CTNNA3: variants seen among roughly 807,000 people sequenced by gnomAD.
CTNNA3 encodes catenin alpha 3, also known as catenin alpha-3.
CTNNA3 carries 76 observed loss-of-function variants against 95.7 expected under a neutral mutation model. That is an observed-to-expected ratio of 0.79 (90% CI 0.66 to 0.96). The LOEUF (loss-of-function observed/expected upper bound fraction) is 0.96, where lower values mean the gene tolerates loss of function less well. CTNNA3 is among the 40% of genes least tolerant of loss of function. The pLI is 0.00. For synonymous variants in CTNNA3, 431 were observed against 374.4 expected, an observed-to-expected ratio of 1.15 and a Z score of -1.74; for missense variants, 1,191 against 1,089.8, an observed-to-expected ratio of 1.09 and a Z score of -1.31.
At chr10:67,092,627 T>C (rs1857722617) in intron 7 of CTNNA3, among the ~76,000 whole-genome samples, 1 of 151,990 alleles carries the variant, frequency 6.6e-6, no homozygotes, top group Admixed American at 6.6e-5. Context: ...TAATCACAAC[T>C]TAGAAACTTT....
At chr10:66,471,001 T>G (rs867145757) in intron 11 of CTNNA3, among the ~76,000 whole-genome samples, 1 of 151,800 alleles carries the variant, frequency 6.6e-6, no homozygotes, top group Non-Finnish European at 1.5e-5. Flanking sequence ...ATCTGAAAAT[T>G]TAAGGATCCA....
At chr10:67,726,258 G>A (rs1214068440) in intron 1 of CTNNA3, among the ~76,000 whole-genome samples, 1 of 68,036 alleles carries the variant, frequency 1.5e-5, no homozygotes, top group Non-Finnish European at 2.3e-5. Context: ...ATATAATATT[G>A]TATTACATAT....
intron 7 of CTNNA3, among the ~76,000 whole-genome samples, chr10:67,116,981 T>A (rs1052364275): frequency 1.3e-5 from 2 of 151,650 alleles, no homozygotes; most frequent in Non-Finnish European, 2.9e-5. Flanking sequence ...AAAAATAAAT[T>A]AGATATAGCT....
chr10:67,345,647 C>G (rs1173671057), intron 5 of CTNNA3, among the ~76,000 whole-genome samples: 1 of 152,026 alleles, frequency 6.6e-6, no homozygotes, highest in Non-Finnish European at 1.5e-5. Flanking sequence ...GTATCTACTT[C>G]TGCTCTTTTT....
chr10:67,641,508 T>C (rs1422835813), intron 2 of CTNNA3, among the ~76,000 whole-genome samples: 2 of 152,198 alleles, frequency 1.3e-5, no homozygotes, highest in African/African-American at 4.8e-5. Context: ...CATTACTGGG[T>C]ATATACCCAA....
At chr10:66,872,486 T>C (rs573871908) in intron 7 of CTNNA3, among the ~76,000 whole-genome samples, 110 of 152,166 alleles carry the variant, frequency 7.2e-4, no homozygotes, top group African/African-American at 2.6e-3. Context: ...CTGGCCATCA[T>C]GGTGAAACCC....
chr10:67,183,188 G>C (rs1302651238), intron 6 of CTNNA3, among the ~76,000 whole-genome samples: 2 of 152,018 alleles, frequency 1.3e-5, no homozygotes, highest in Non-Finnish European at 2.9e-5. Flanking sequence ...CCCATTACTG[G>C]GTATATACCC....
intron 5 of CTNNA3, among the ~76,000 whole-genome samples, chr10:67,512,360 A>C (rs1392782071): frequency 1.3e-5 from 2 of 152,342 alleles, no homozygotes; most frequent in East Asian, 3.9e-4. Flanking sequence ...TAGAACTATT[A>C]TATGATCCAG....
chr10:67,372,733 C>T (rs1843526948), intron 5 of CTNNA3, among the ~76,000 whole-genome samples: 2 of 151,770 alleles, frequency 1.3e-5, no homozygotes, highest in East Asian at 1.9e-4. Context: ...AGAGAAAGGT[C>T]GGGTTACCCA....
At chr10:65,949,952 A>G (rs368156459) in intron 17 of CTNNA3, among the ~76,000 whole-genome samples, 26 of 152,236 alleles carry the variant, frequency 1.7e-4, no homozygotes, top group African/African-American at 5.5e-4. Flanking sequence ...AACACTCTAC[A>G]ATGTTCAAGG....
chr10:66,385,801 A>G (rs2092885390), intron 11 of CTNNA3, among the ~76,000 whole-genome samples: 1 of 152,188 alleles, frequency 6.6e-6, no homozygotes, highest in African/African-American at 2.4e-5. Context: ...GCAAATCAGT[A>G]AACATAATCC....
Position 66,148,920 on chromosome 10 carries a change from A to G in CTNNA3, c.1885-45671T>C, listed in dbSNP as rs187040391. On this transcript the variant is annotated intron_variant, in intron 13 of 17. Transcript: ENST00000433211. Reference sequence around the variant, plus strand: ...ATTCAATAAGTTTTAAATAGATTACAAATCTAAATGTACAGTTATATACAT... The same window carrying G: ...ATTCAATAAGTTTTAAATAGATTACGAATCTAAATGTACAGTTATATACAT... Among the ~76,000 whole-genome samples the G allele has an allele frequency of 2.2e-3, 328 of 151,884 alleles. 1 individual carries two copies. In the Middle Eastern group the frequency reaches 0.024, roughly 11 times the overall value.
intron 3 of CTNNA3, among the ~76,000 whole-genome samples, chr10:67,566,766 C>T (rs1466349292): frequency 6.6e-6 from 1 of 151,940 alleles, no homozygotes; most frequent in Non-Finnish European, 1.5e-5. Flanking sequence ...GACTTGGAAC[C>T]AACCCAAATG....
At chr10:67,732,294 G>C (rs940136065) in intron 1 of CTNNA3, among the ~76,000 whole-genome samples, 1 of 151,872 alleles carries the variant, frequency 6.6e-6, no homozygotes, top group Non-Finnish European at 1.5e-5. Context: ...TTTAAATTGT[G>C]CTTAAATTAA....
At chr10:66,036,617 C>A (rs967004815) in intron 15 of CTNNA3, among the ~76,000 whole-genome samples, 6 of 152,002 alleles carry the variant, frequency 3.9e-5, no homozygotes, top group African/African-American at 9.7e-5. Flanking sequence ...CTCAGGTGAT[C>A]CACCCACCTC....
intron 7 of CTNNA3, among the ~76,000 whole-genome samples, chr10:66,942,447 G>A (rs1008577643): frequency 3.9e-5 from 6 of 152,000 alleles, no homozygotes; most frequent in African/African-American, 4.8e-5. Flanking sequence ...TGTTAGTATT[G>A]TGTTTCTTCT....
chr10:66,189,617 T>TATATATATAC lies in CTNNA3; in HGVS notation c.1885-86369_1885-86368insGTATATATAT, dbSNP rs151078010. Among the ~76,000 whole-genome samples the TATATATATAC allele has an allele frequency of 3.6e-3, 507 of 140,360 alleles. 1 individual carries two copies. Among genetic ancestry groups the TATATATATAC allele is most frequent in the East Asian group, 0.015 (72 of 4,852 alleles). The allele number at this position is 140,360 out of a possible 152,430, so 92.1% of individuals were successfully genotyped here. A position where few individuals can be genotyped will look rare whatever the true frequency, so the allele number is the denominator to read the frequency against. On this transcript the variant is annotated intron_variant, in intron 13 of 17. Coordinates refer to ENST00000433211, the MANE Select transcript of CTNNA3 (RefSeq NM_013266.4). Reference sequence around the variant, plus strand: ...CTATAGATTTATATATATATATATATACACACATACACACACATATACATA... The same window carrying TATATATATAC: ...CTATAGATTTATATATATATATATATATATATATACACACACATACACACACATATACATA...
At chr10:66,848,751 G>A (rs1843370754) in intron 7 of CTNNA3, among the ~76,000 whole-genome samples, 1 of 152,156 alleles carries the variant, frequency 6.6e-6, no homozygotes, top group African/African-American at 2.4e-5. Flanking sequence ...TAGGTAGGTT[G>A]AAACACCTTG....
In CTNNA3 at chr10:66,325,289, T is replaced by C. The variant is rs916820900; in HGVS notation, c.1733-44668A>G. Among the ~76,000 whole-genome samples, 5 of 152,122 alleles carry C rather than the reference T, an allele frequency of 3.3e-5. No individual in the cohort carries two copies. The East Asian group carries it at 9.6e-4, about 29-fold the overall frequency. ...AGAAAAAGAAACATTAAAAATGTGC[T>C]GGGTACCTTCTATGTGCAAAACTTT... On this transcript the variant is annotated intron_variant, in intron 12 of 17. Transcript: ENST00000433211.
Sources: allele counts gnomAD v4.1 joint callset (sites outside exome capture counted in the v4.1 genomes callset), GRCh38; gene constraint gnomAD v4.1.1; transcripts MANE v1.5; gene names NCBI Gene and HGNC (gene_info 2026-07-23, HGNC 2026-07-21).